Variants in WDR70 observed in about 807,000 individuals in gnomAD.
WDR70 encodes the protein WD repeat domain 70, also known as WD repeat-containing protein 70.
Under a neutral mutation model 88.6 loss-of-function variants are expected in WDR70, and 53 were observed. That is an observed-to-expected ratio of 0.60 (90% CI 0.48 to 0.75). The LOEUF is 0.75. WDR70 is among the 30% of genes least tolerant of loss of function. The pLI is 0.00. For missense variants in WDR70, 610 were observed against 823.2 expected, an observed-to-expected ratio of 0.74 and a Z score of 3.17; for synonymous variants, 280 against 270.0, an observed-to-expected ratio of 1.04 and a Z score of -0.36.
intron 10 of WDR70, among the ~76,000 whole-genome samples, chr5:37,656,796 G>C (rs11740897): frequency 0.57 from 87,260 of 152,004 alleles, 25,241 homozygotes; most frequent in African/African-American, 0.61. Context: ...TGCCTCTCCC[G>C]CAACAAAGCT....
chr5:37,690,455 G>A (rs1746756735), intron 10 of WDR70, among the ~76,000 whole-genome samples: 1 of 152,202 alleles, frequency 6.6e-6, no homozygotes. Context: ...AGGGCAGCAA[G>A]AAAGAAAGAT....
intron 8 of WDR70, among the ~76,000 whole-genome samples, chr5:37,501,521 A>G (rs897959554): frequency 1.3e-5 from 2 of 152,150 alleles, no homozygotes; most frequent in African/African-American, 4.8e-5. Flanking sequence ...TTGCAAAAAG[A>G]TCTTGTAGTA....
intron 10 of WDR70, among the ~76,000 whole-genome samples, chr5:37,668,350 T>C (rs1745924159): frequency 1.3e-5 from 2 of 152,210 alleles, no homozygotes; most frequent in African/African-American, 4.8e-5. Flanking sequence ...GTATGATGTC[T>C]GAAGATTATA....
chr5:37,607,553 C>T (rs2112480334), intron 10 of WDR70, among the ~76,000 whole-genome samples: 1 of 152,208 alleles, frequency 6.6e-6, no homozygotes, highest in Admixed American at 6.5e-5. Flanking sequence ...TACGTTTACT[C>T]TAGAGTTATA....
At chr5:37,541,722 T>G (rs528113472) in intron 9 of WDR70, among the ~76,000 whole-genome samples, 31 of 152,266 alleles carry the variant, frequency 2.0e-4, no homozygotes, top group Non-Finnish European at 4.3e-4. Flanking sequence ...TGTCACACAA[T>G]AGCCGTAGGA....
At chr5:37,426,500 A>T (rs1283181818) in intron 5 of WDR70, among the ~76,000 whole-genome samples, 1 of 152,182 alleles carries the variant, frequency 6.6e-6, no homozygotes, top group Non-Finnish European at 1.5e-5. Flanking sequence ...TTCTGGTCTT[A>T]CTTTGAATCT....
At chr5:37,688,932 C>T (rs546934907) in intron 10 of WDR70, among the ~76,000 whole-genome samples, 6 of 152,192 alleles carry the variant, frequency 3.9e-5, no homozygotes, top group South Asian at 2.1e-4. Context: ...CTTTCCTAGC[C>T]GAGGGAAGCC....
intron 9 of WDR70, among the ~76,000 whole-genome samples, chr5:37,596,512 C>T (rs1743705047): frequency 6.6e-6 from 1 of 152,116 alleles, no homozygotes; most frequent in Admixed American, 6.6e-5. Context: ...AGGTTACAGA[C>T]CCTTTTCACT....
chr5:37,440,470 C>T (rs550216043), intron 6 of WDR70, among the ~76,000 whole-genome samples: 1 of 152,126 alleles, frequency 6.6e-6, no homozygotes, highest in African/African-American at 2.4e-5. Flanking sequence ...CTCAGCCTCC[C>T]GAGTAGCTGG....
At chr5:37,681,211 T>G (rs1488890947) in intron 10 of WDR70, among the ~76,000 whole-genome samples, 1 of 152,140 alleles carries the variant, frequency 6.6e-6, no homozygotes, top group South Asian at 2.1e-4. Flanking sequence ...ATATTGTGAA[T>G]GGGATTGCAT....
intron 9 of WDR70, among the ~76,000 whole-genome samples, chr5:37,563,088 CG>C (rs1336351181): frequency 0.013 from 681 of 54,136 alleles, 66 homozygotes; most frequent in African/African-American, 0.032. Context: ...TGACCCCCCC[CG>C]CCTCCCTCCC....
chr5:37,479,266 G>C (rs1050979210), intron 7 of WDR70, among the ~76,000 whole-genome samples: 2 of 152,082 alleles, frequency 1.3e-5, no homozygotes, highest in African/African-American at 4.8e-5. Flanking sequence ...TGGTTGGGTT[G>C]GAGATATAAG....
chr5:37,706,120 T>G (rs1479443618), intron 13 of WDR70, among the ~76,000 whole-genome samples: 1 of 152,242 alleles, frequency 6.6e-6, no homozygotes, highest in Non-Finnish European at 1.5e-5. Flanking sequence ...TCTATAATTA[T>G]TTTTGAAACA....
intron 9 of WDR70, among the ~76,000 whole-genome samples, chr5:37,554,705 C>CACAT (rs375974408): frequency 1.3e-5 from 2 of 151,430 alleles, no homozygotes; most frequent in African/African-American, 2.4e-5. Context: ...CACACACACA[C>CACAT]ATTTTAAATA....
chr5:37,709,295 A>G (rs61492379), intron 13 of WDR70, among the ~76,000 whole-genome samples: 36,700 of 152,176 alleles, frequency 0.24, 5,105 homozygotes, highest in Admixed American at 0.38. Flanking sequence ...GCTTTGAATT[A>G]TGTATTATTT....
intron 4 of WDR70, 57 bp downstream of exon 4, chr5:37,392,177 G>GTT (rs11335326): frequency 0.015 from 18,829 of 1,277,794 alleles, no homozygotes; most frequent in East Asian, 0.017. Context: ...TGTTTATAGA[G>GTT]TTTTTTTTTT....
chr5:37,426,716 T>C (rs1346656403), intron 5 of WDR70, among the ~76,000 whole-genome samples: 1 of 152,114 alleles, frequency 6.6e-6, no homozygotes, highest in African/African-American at 2.4e-5. Flanking sequence ...TATTGAGAGA[T>C]GTGATTTCTT....
At chr5:37,570,617 A>G (rs1035111731) in intron 9 of WDR70, among the ~76,000 whole-genome samples, 2 of 152,170 alleles carry the variant, frequency 1.3e-5, no homozygotes, top group African/African-American at 2.4e-5. Context: ...ACCAAGAAAT[A>G]GGAGGAAAAC....
chr5:37,579,016 T>A (rs1302390538), intron 9 of WDR70, among the ~76,000 whole-genome samples: 1 of 152,218 alleles, frequency 6.6e-6, no homozygotes, highest in African/African-American at 2.4e-5. Context: ...CTTCAAACTG[T>A]CTGTTCCTTG....
Sources: allele counts gnomAD v4.1 joint callset (sites outside exome capture counted in the v4.1 genomes callset), GRCh38; gene constraint gnomAD v4.1.1; transcripts MANE v1.5; gene names NCBI Gene and HGNC (gene_info 2026-07-23, HGNC 2026-07-21).